Variants in CDCA5 observed in about 807,000 individuals in gnomAD.
The protein encoded by CDCA5 is cell division cycle associated 5.
In CDCA5, 14 loss-of-function variants were observed where a neutral mutation model predicts 25.7. The ratio of observed to expected loss-of-function variants is 0.54; its 90% CI spans 0.36 to 0.85. The LOEUF is 0.85. CDCA5 is among the 40% of genes least tolerant of loss of function. CDCA5 has a pLI of 0.01. For synonymous variants in CDCA5, 127 were observed against 128.7 expected, an observed-to-expected ratio of 0.99 and a Z score of 0.09; for missense variants, 307 against 324.5, an observed-to-expected ratio of 0.95 and a Z score of 0.41.
chr11:65,083,592 G>C, intron 2 of CDCA5, 37 bp downstream of exon 2: 1 of 1,614,168 alleles, frequency 6.2e-7, no homozygotes. Context: ...TTAGGTGAGG[G>C]GCCACAAGGG....
intron 4 of CDCA5, among the ~76,000 whole-genome samples, chr11:65,082,663 C>T (rs1201333697): frequency 2.6e-5 from 4 of 151,868 alleles, no homozygotes; most frequent in Admixed American, 6.6e-5. Context: ...GGTTTCACCA[C>T]GTTGGCCAGG....
downstream of CDCA5, among the ~76,000 whole-genome samples, chr11:65,076,358 T>G (rs1156285437): frequency 1.3e-5 from 2 of 152,146 alleles, no homozygotes; most frequent in Non-Finnish European, 2.9e-5. Flanking sequence ...CAAGTGATCC[T>G]CCTGCCTCAG....
Position 65,083,701 on chromosome 11 carries a change from A to G in CDCA5, c.69T>C (p.Thr23=), listed in dbSNP as rs773958239. ...QRSGPRAPSP[T]KPLRRSQRKS... ...TCCGCTGGGACCTCCGCAGAGGCTT[A>G]GTAGGAGATGGGGCCCTTGGCCCTG... is the stretch of plus-strand genomic sequence containing the variant. The change falls in exon 2 of 6, where the codon ACT becomes ACC. Residue 23 remains threonine, a synonymous_variant. Coordinates refer to ENST00000275517, the MANE Select transcript of CDCA5 (RefSeq NM_080668.4). The G allele has an allele frequency of 1.9e-6, 3 of 1,613,880 alleles. No homozygotes were observed. In the Admixed American group the frequency reaches 5.0e-5, roughly 27 times the overall value.
chr11:65,078,524 C>T lies in CDCA5; in HGVS notation c.*583G>A. ...TACATCCTTCAAAACTCAGACTCCA[C>T]AGGCTGAATGTCCAGCTTCTTCCTC... On this transcript the variant is annotated 3_prime_UTR_variant, in exon 6 of 6. Coordinates refer to ENST00000275517, the MANE Select transcript of CDCA5 (RefSeq NM_080668.4). The T allele has an allele frequency of 1.0e-6, 1 of 985,676 alleles. No individual in the cohort carries two copies. Among genetic ancestry groups the T allele is most frequent in the African/African-American group, 1.7e-5 (1 of 57,376 alleles). 61.1% of individuals were successfully genotyped at this position (985,676 alleles called of 1,614,324 possible). A position where few individuals can be genotyped will look rare whatever the true frequency, so the allele number is the denominator to read the frequency against.
At chr11:65,070,944 CTT>C (rs56999278) in intron 1 of CDCA5, among the ~76,000 whole-genome samples, 25 of 138,312 alleles carry the variant, frequency 1.8e-4, no homozygotes, top group Admixed American at 2.2e-4. Flanking sequence ...ATTTTCTTTT[CTT>C]TTTTTTTTTT....
chr11:65,080,814 C>A (rs1947549286), intron 4 of CDCA5, among the ~76,000 whole-genome samples: 1 of 152,160 alleles, frequency 6.6e-6, no homozygotes, highest in African/African-American at 2.4e-5. Context: ...AACCCCTGCC[C>A]CATTCTAAGA....
At chr11:65,066,317 T>A (rs1947234213), downstream of CDCA5, 1 of 1,155,900 alleles carries the variant, frequency 8.7e-7, no homozygotes, top group East Asian at 6.5e-5. Context: ...CCAAGTTTAT[T>A]TCTGGGATCT....
At chr11:65,069,385 T>C (rs1947299586) in intron 1 of CDCA5, among the ~76,000 whole-genome samples, 1 of 152,104 alleles carries the variant, frequency 6.6e-6, no homozygotes, top group South Asian at 2.1e-4. Context: ...TAGATCCCCA[T>C]GGACTTGTGG....
At chr11:65,069,813 G>A (rs570022933) in intron 1 of CDCA5, among the ~76,000 whole-genome samples, 40 of 152,364 alleles carry the variant, frequency 2.6e-4, no homozygotes, top group African/African-American at 4.6e-4. Context: ...TCACTCATGC[G>A]CTTACTGGTC....
At position 65,079,604 on chromosome 11, in the gene CDCA5, T is replaced by A. The variant is rs772455740; in HGVS notation, c.427A>T (p.Arg143Trp). 1 of 1,612,554 alleles carries A rather than the reference T, an allele frequency of 6.2e-7. No homozygotes were observed. The highest frequency in any genetic ancestry group is 8.5e-7 in the Non-Finnish European group (1 of 1,179,120). ...GTCTCCAGCCGGCTGTAGGAACGCC[T>A]GACTTTCTTAGACATTTCCAAGTCT... ...ARDLEMSKKV[R>W]RSYSRLETLG... The change falls in exon 5 of 6, where the codon AGG becomes TGG. Residue 143 changes from arginine to tryptophan, a missense_variant. Transcript: ENST00000275517.
chr11:65,066,133 C>T (rs373598181), downstream of CDCA5, among the ~76,000 whole-genome samples: 34 of 150,308 alleles, frequency 2.3e-4, 2 homozygotes, highest in Admixed American at 1.1e-3. Context: ...TGTGAGGGGT[C>T]GGGGGAGGGC....
downstream of CDCA5, among the ~76,000 whole-genome samples, chr11:65,062,951 A>G (rs907892384): frequency 2.0e-5 from 3 of 152,268 alleles, no homozygotes; most frequent in Middle Eastern, 3.4e-3. Context: ...CCGAAGCCCC[A>G]GAGTCCAGAG....
downstream of CDCA5, chr11:65,066,255 C>A: frequency 1.0e-6 from 1 of 1,000,298 alleles, no homozygotes; most frequent in Non-Finnish European, 1.3e-6. Flanking sequence ...ACCTCCTGCT[C>A]CCCACCTGAG....
At chr11:65,081,615 C>T (rs1426505712) in intron 4 of CDCA5, among the ~76,000 whole-genome samples, 1 of 152,002 alleles carries the variant, frequency 6.6e-6, no homozygotes, top group Non-Finnish European at 1.5e-5. Flanking sequence ...CCTCAAGGTG[C>T]CTGTGTTCTT....
intron 4 of CDCA5, among the ~76,000 whole-genome samples, chr11:65,080,333 C>T (rs1185689255): frequency 6.6e-6 from 1 of 152,186 alleles, no homozygotes; most frequent in African/African-American, 2.4e-5. Context: ...TCGCTTGTTT[C>T]CAAAATGTGC....
downstream of CDCA5, chr11:65,066,351 G>A (rs993544181): frequency 1.8e-5 from 21 of 1,171,888 alleles, no homozygotes; most frequent in South Asian, 9.9e-5. Flanking sequence ...CTGAAGGAGC[G>A]GCCTCCCGAG....
chr11:65,081,427 CA>C (rs528998200), intron 4 of CDCA5, among the ~76,000 whole-genome samples: 30 of 134,772 alleles, frequency 2.2e-4, no homozygotes, highest in East Asian at 2.2e-4. Context: ...GACTCCATCT[CA>C]AAAAAAAAAA....
At chr11:65,066,929 G>C in intron 4 of CDCA5, 7 of 1,255,946 alleles carry the variant, frequency 5.6e-6, no homozygotes, top group Non-Finnish European at 6.3e-6. Context: ...TTTTGTTCCA[G>C]GCAGCACTCC....
Position 65,068,874 on chromosome 11 carries a change from C to T in CDCA5, c.64-273G>A, listed in dbSNP as rs1440963961. Among the ~76,000 whole-genome samples, 3 of 152,370 alleles carry T rather than the reference C, an allele frequency of 2.0e-5. 1 individual carries two copies. The East Asian group carries it at 5.8e-4, about 29-fold the overall frequency. ...TATACTTACACTAAAAAACAATTCACTGTTCATTTGAAATTCAAATTTAAC... is the reference window on the plus strand; with the variant it reads ...TATACTTACACTAAAAAACAATTCATTGTTCATTTGAAATTCAAATTTAAC... On this transcript the variant is annotated intron_variant, in intron 1 of 6. Transcript: ENST00000525464.
Sources: allele counts gnomAD v4.1 joint callset (sites outside exome capture counted in the v4.1 genomes callset), GRCh38; gene constraint gnomAD v4.1.1; transcripts MANE v1.5; gene names NCBI Gene and HGNC (gene_info 2026-07-23, HGNC 2026-07-21).